The following FAM118B variants were observed in gnomAD, a reference collection of about 807,000 sequenced individuals.
FAM118B encodes protein FAM118B.
FAM118B carries 24 observed loss-of-function variants against 38.5 expected under a neutral mutation model. The ratio of observed to expected loss-of-function variants is 0.62; its 90% CI spans 0.45 to 0.88. The LOEUF (loss-of-function observed/expected upper bound fraction) is 0.88. Ranked by LOEUF, FAM118B falls within the 40% of genes least tolerant of loss-of-function variation. FAM118B has a pLI of 0.00. For synonymous variants in FAM118B, 138 were observed against 156.3 expected (o/e 0.88, Z 0.87); for missense variants, 334 against 420.0 (o/e 0.80, Z 1.79).
chr11:126,217,927 T>C (rs1017550553), intron 1 of FAM118B, among the ~76,000 whole-genome samples: 6 of 152,222 alleles, frequency 3.9e-5, no homozygotes, highest in Non-Finnish European at 5.9e-5. Context: ...GACCGTATTT[T>C]GTTTGTTTTC....
At chr11:126,233,383 G>C (rs1405524255) in intron 2 of FAM118B, among the ~76,000 whole-genome samples, 3 of 152,216 alleles carry the variant, frequency 2.0e-5, no homozygotes, top group Non-Finnish European at 4.4e-5. Flanking sequence ...GCTGAGGCAG[G>C]AGGATTGCTT....
intron 4 of FAM118B, among the ~76,000 whole-genome samples, chr11:126,243,617 T>C (rs1950384816): frequency 6.6e-6 from 1 of 151,952 alleles, no homozygotes; most frequent in Non-Finnish European, 1.5e-5. Context: ...AACATCTGCA[T>C]ATCAGGCCAG....
At chr11:126,213,547 A>C (rs1949921781) in intron 1 of FAM118B, among the ~76,000 whole-genome samples, 1 of 152,234 alleles carries the variant, frequency 6.6e-6, no homozygotes, top group African/African-American at 2.4e-5. Context: ...TATTACTTAG[A>C]TACTTGAAGC....
chr11:126,215,223 T>C (rs1020953194), intron 1 of FAM118B, among the ~76,000 whole-genome samples: 1 of 152,244 alleles, frequency 6.6e-6, no homozygotes, highest in Non-Finnish European at 1.5e-5. Flanking sequence ...GATTTTCCAC[T>C]GATACTGAAA....
At chr11:126,219,349 C>CTTCTTTTTTT (rs1950028762) in intron 1 of FAM118B, among the ~76,000 whole-genome samples, 2 of 44,414 alleles carry the variant, frequency 4.5e-5, no homozygotes, top group Non-Finnish European at 7.7e-5. Flanking sequence ...TCTTGTTTAT[C>CTTCTTTTTTT]TTTTTTTTTT....
intron 1 of FAM118B, among the ~76,000 whole-genome samples, chr11:126,223,776 A>C (rs769129898): frequency 9.2e-5 from 14 of 152,246 alleles, no homozygotes; most frequent in Admixed American, 7.9e-4. Context: ...CAGAGTAGAC[A>C]TCAGAGACTT....
intron 3 of FAM118B, among the ~76,000 whole-genome samples, chr11:126,239,723 A>G (rs1052263113): frequency 6.6e-6 from 1 of 152,184 alleles, no homozygotes; most frequent in African/African-American, 2.4e-5. Context: ...CATGTTGGCC[A>G]GGCTGGTCTT....
intron 6 of FAM118B, among the ~76,000 whole-genome samples, chr11:126,254,766 T>C (rs1223095283): frequency 2.0e-5 from 3 of 152,154 alleles, no homozygotes; most frequent in Non-Finnish European, 2.9e-5. Flanking sequence ...TATAAGGCTG[T>C]AGTGAGCTGT....
Position 126,240,967 on chromosome 11 carries a change from A to C in FAM118B, c.262A>C (p.Lys88Gln), listed in dbSNP as rs771687839. The change falls in exon 4 of 9, where the codon AAA becomes CAA. Residue 88 changes from lysine to glutamine, a missense_variant. By Grantham distance (53) the Lys-to-Gln change is moderately conservative. Coordinates refer to ENST00000533050, the MANE Select transcript of FAM118B (RefSeq NM_024556.4). The stretch of plus-strand genomic sequence containing the variant: ...TGATCTTTTAGAAGATGAGGAGAGC[A>C]AAAAGTTTCAGAAATGTCTCCATGA... ...DFDLLEDEES[K>Q]KFQKCLHEDK... is the part of the protein sequence containing the mutation. 5.0e-6 allele frequency: 8 copies of C among 1,614,032 alleles called. No homozygotes were observed. The South Asian group carries it at 7.7e-5, about 16-fold the overall frequency.
rs555504626 is a variant in FAM118B at position 126,260,626 on chromosome 11, A to T, written c.983-799A>T. On this transcript the variant is annotated intron_variant, in intron 7 of 8. Coordinates refer to ENST00000533050, the MANE Select transcript of FAM118B (RefSeq NM_024556.4). ...TTCAGTTTTTCCAGTAATTTCCTTGATGAGTTCTCACTGTAATCAGGTCAA... is the reference window on the plus strand; with the variant it reads ...TTCAGTTTTTCCAGTAATTTCCTTGTTGAGTTCTCACTGTAATCAGGTCAA... 6 of 152,282 alleles carry T rather than the reference A, an allele frequency of 3.9e-5. No individual in the cohort carries two copies. In the East Asian group the frequency reaches 1.2e-3, roughly 29 times the overall value. The allele number at this position is 152,282 out of a possible 1,614,324, so 9.4% of individuals were successfully genotyped here. A position where few individuals can be genotyped will look rare whatever the true frequency, so the allele number is the denominator to read the frequency against.
intron 7 of FAM118B, 44 bp from the exon 8 acceptor site, chr11:126,261,381 T>C (rs534745682): frequency 1.9e-6 from 3 of 1,562,400 alleles, no homozygotes; most frequent in East Asian, 2.2e-5. Context: ...ATTAATAGTT[T>C]TAGCTTTTCA....
chr11:126,254,456 GTCT>G (rs1256931102), intron 6 of FAM118B, 23 bp downstream of exon 6: 1 of 1,612,630 alleles, frequency 6.2e-7, no homozygotes, highest in Non-Finnish European at 8.5e-7. Flanking sequence ...GATCTTGCTG[GTCT>G]CAGGAACTCC....
intron 1 of FAM118B, among the ~76,000 whole-genome samples, chr11:126,212,241 G>C (rs1031098819): frequency 6.6e-6 from 1 of 152,086 alleles, no homozygotes; most frequent in African/African-American, 2.4e-5. Flanking sequence ...CTTATCCAGG[G>C]CCCCCAGCAC....
rs532115334 is a variant in FAM118B at position 126,258,219 on chromosome 11, G to A, written c.982+1367G>A. ...AAGATGAGTGTGAGCAACATAGTGA[G>A]AACCTGTCTCTGCAAAAAATTAGCC... On this transcript the variant is annotated intron_variant, in intron 7 of 8. Coordinates refer to ENST00000533050, the MANE Select transcript of FAM118B (RefSeq NM_024556.4). Among the ~76,000 whole-genome samples the A allele has an allele frequency of 3.9e-5, 6 of 152,082 alleles. No homozygotes were observed. In the East Asian group the frequency reaches 1.2e-3, roughly 29 times the overall value.
At chr11:126,221,631 G>A (rs547556922) in intron 1 of FAM118B, among the ~76,000 whole-genome samples, 1 of 152,104 alleles carries the variant, frequency 6.6e-6, no homozygotes, top group Admixed American at 6.5e-5. Context: ...GTAGCGTTTT[G>A]GGAGTCCTTA....
At chr11:126,214,494 T>TTTTTTTTTG (rs1185049040) in intron 1 of FAM118B, 2 of 77,434 alleles carry the variant, frequency 2.6e-5, no homozygotes, top group Non-Finnish European at 5.5e-5. Flanking sequence ...GTTTCTGTTT[T>TTTTTTTTTG]TTTTTTTTGT....
intron 3 of FAM118B, among the ~76,000 whole-genome samples, chr11:126,236,457 G>GT (rs914962247): frequency 3.3e-5 from 5 of 151,960 alleles, no homozygotes; most frequent in African/African-American, 9.7e-5. Flanking sequence ...CTCTTTCCCT[G>GT]TTTTTTGTTT....
intron 1 of FAM118B, among the ~76,000 whole-genome samples, chr11:126,215,814 G>A (rs1408647956): frequency 1.3e-5 from 2 of 151,454 alleles, no homozygotes; most frequent in East Asian, 3.9e-4. Flanking sequence ...GTTTGAGATC[G>A]CCTGGGCAAC....
chr11:126,240,655 A>G, intron 3 of FAM118B, 137 bp from the exon 4 acceptor site: 1 of 806,322 alleles, frequency 1.2e-6, no homozygotes, highest in Non-Finnish European at 1.9e-6. Context: ...CTGCTTTGGA[A>G]AGGTGTCAAA....
Sources: allele counts gnomAD v4.1 joint callset (sites outside exome capture counted in the v4.1 genomes callset), GRCh38; gene constraint gnomAD v4.1.1; transcripts MANE v1.5; gene names NCBI Gene and HGNC (gene_info 2026-07-23, HGNC 2026-07-21).